G3BP1: variants seen among roughly 807,000 people sequenced by gnomAD.
The protein encoded by G3BP1 is ras GTPase-activating protein-binding protein 1.
Under a neutral mutation model 58.6 loss-of-function variants are expected in G3BP1, and 35 were observed. That is an observed-to-expected ratio of 0.60 (90% CI 0.46 to 0.79). The LOEUF (loss-of-function observed/expected upper bound fraction) is 0.79. Among genes scored for constraint, G3BP1 ranks in the 30% least tolerant of loss-of-function variants. The pLI, the probability that G3BP1 is intolerant of heterozygous loss-of-function variation, is 0.00. For synonymous variants in G3BP1, 191 were observed against 195.4 expected (o/e 0.98, Z 0.19); for missense variants, 523 against 580.8 (o/e 0.90, Z 1.02).
In G3BP1 at chr5:151,794,143, T is replaced by C. The variant is rs371388322; in HGVS notation, c.352-16T>C. 9 of 1,494,316 alleles carry C rather than the reference T, an allele frequency of 6.0e-6. No homozygotes were observed. The South Asian group carries it at 9.0e-5, about 15-fold the overall frequency. The allele number at this position is 1,494,316 out of a possible 1,614,324, so 92.6% of individuals were successfully genotyped here. ...AAGTCTGTTGAATAAATTAAAACTT[T>C]CTGTTGGCATTGCAGGGGTCTGTTG... On this transcript the variant is annotated splice_polypyrimidine_tract_variant and intron_variant, in intron 4 of 11. Transcript: ENST00000356245.
Position 151,774,343 on chromosome 5 carries a change from G to GT in G3BP1, c.-50+2318dup, listed in dbSNP as rs201707129. Among the ~76,000 whole-genome samples, 381 of 146,914 alleles carry GT rather than the reference G, an allele frequency of 2.6e-3. 5 individuals are homozygous for GT. Among genetic ancestry groups the GT allele is most frequent in the East Asian group, 0.016 (81 of 5,092 alleles). On this transcript the variant is annotated intron_variant, in intron 1 of 11. Coordinates refer to ENST00000356245, the MANE Select transcript of G3BP1 (RefSeq NM_005754.3). ...AGCAGTTTTTCTTTTGTAACTTATGGTTTTTTTTTTTCCCACTCGTTCTAG... is the reference window on the plus strand; with the variant it reads ...AGCAGTTTTTCTTTTGTAACTTATGGTTTTTTTTTTTTCCCACTCGTTCTAG...
At chr5:151,797,531 C>T in intron 7 of G3BP1, 103 bp downstream of exon 7, 2 of 1,246,174 alleles carry the variant, frequency 1.6e-6, no homozygotes, top group Non-Finnish European at 2.2e-6. Flanking sequence ...GATACATTTT[C>T]ATATTGGTGG....
At chr5:151,784,130 C>G (rs1762518322) in intron 1 of G3BP1, among the ~76,000 whole-genome samples, 2 of 152,170 alleles carry the variant, frequency 1.3e-5, no homozygotes, top group Admixed American at 6.5e-5. Flanking sequence ...GGGTCTTGCT[C>G]TGGCACCCAG....
At position 151,799,908 on chromosome 5, in the gene G3BP1, C is replaced by T. The variant is rs777454919; in HGVS notation, c.863C>T (p.Pro288Leu). The T allele has an allele frequency of 9.9e-6, 16 of 1,610,736 alleles. No individual in the cohort carries two copies. The highest frequency in any genetic ancestry group is 1.4e-5 in the Non-Finnish European group (16 of 1,177,112). ...TTTCAGCCCCGTCCAGAGTCTAAGC[C>T]TGAATCTCAGATTCCACCACAAAGA... is the stretch of plus-strand genomic sequence containing the variant. ...PASQPRPESK[P>L]ESQIPPQRPQ... Residue 288 changes from proline (P) to leucine (L), a missense_variant, in exon 9 of 12, where the codon CCT (proline) becomes CTT (leucine). This residue lies in a region of G3BP1 where 398 missense variants were observed against 399.1 expected (regional missense o/e 1.00). Transcript: ENST00000356245.
intron 11 of G3BP1, among the ~76,000 whole-genome samples, chr5:151,801,649 C>A (rs976445843): frequency 1.3e-5 from 2 of 152,098 alleles, no homozygotes; most frequent in East Asian, 1.9e-4. Context: ...GCTCTTTACT[C>A]ACTAAGCAGT....
chr5:151,801,975 C>A (rs957387589), intron 11 of G3BP1, among the ~76,000 whole-genome samples: 1 of 151,972 alleles, frequency 6.6e-6, no homozygotes, highest in Non-Finnish European at 1.5e-5. Context: ...CCACCATGCC[C>A]AGCTGATTTT....
Position 151,809,632 on chromosome 5 carries a change from CT to C in G3BP1, c.*5543del, listed in dbSNP as rs899329848. On this transcript the variant is annotated 3_prime_UTR_variant, in exon 12 of 12. Transcript: ENST00000356245. ...AGTGCTGGAAAGGACTAGGAAGTGACTTGTACAACCCCTTCATTTTACAAAG... is the reference window on the plus strand; with the variant it reads ...AGTGCTGGAAAGGACTAGGAAGTGACTGTACAACCCCTTCATTTTACAAAG... 6.6e-6 allele frequency: 1 copy of C among 152,148 alleles called. No homozygotes were observed. Among genetic ancestry groups the C allele is most frequent in the African/African-American group, 2.4e-5 (1 of 41,420 alleles). The allele number at this position is 152,148 out of a possible 1,614,324, so 9.4% of individuals were successfully genotyped here. A position where few individuals can be genotyped will look rare whatever the true frequency, so the allele number is the denominator to read the frequency against.
intron 1 of G3BP1, among the ~76,000 whole-genome samples, chr5:151,783,572 G>A (rs1762508641): frequency 1.3e-5 from 2 of 151,622 alleles, no homozygotes; most frequent in African/African-American, 4.8e-5. Context: ...TGTATTTTTA[G>A]GAGAGACAGG....
chr5:151,794,101 G>A (rs1762707084), intron 4 of G3BP1, 58 bp from the exon 5 acceptor site: 8 of 978,196 alleles, frequency 8.2e-6, no homozygotes, highest in African/African-American at 1.6e-5. Flanking sequence ...ATGGTGTAGA[G>A]TGATTTGACT....
chr5:151,790,160 C>T (rs567277511), intron 2 of G3BP1, among the ~76,000 whole-genome samples, 163 bp from the exon 3 acceptor site: 7 of 143,186 alleles, frequency 4.9e-5, no homozygotes, highest in African/African-American at 1.6e-4. Flanking sequence ...AGCCCCGGCA[C>T]ATCGAAGCTG....
In G3BP1 at chr5:151,794,663, A is replaced by C. The variant is rs183375008; in HGVS notation, c.442+414A>C. 3.1e-3 allele frequency among the ~76,000 whole-genome samples: 470 copies of C among 152,280 alleles called. 4 individuals carry two copies. Among genetic ancestry groups the C allele is most frequent in the Non-Finnish European group, 4.3e-3 (293 of 68,010 alleles). ...ACTACTCTTTGTGCTGGAGGGAGAT[A>C]CTCTTTCAAAGCTGTTTGCTATATA... On this transcript the variant is annotated intron_variant, in intron 5 of 11. Coordinates refer to ENST00000356245, the MANE Select transcript of G3BP1 (RefSeq NM_005754.3).
intron 4 of G3BP1, among the ~76,000 whole-genome samples, chr5:151,793,888 C>T (rs1330760079): frequency 6.6e-6 from 1 of 151,584 alleles, no homozygotes; most frequent in Non-Finnish European, 1.5e-5. Flanking sequence ...GTGGCGCGCC[C>T]CTGTAGTTCT....
Position 151,811,466 on chromosome 5 carries a change from A to G in G3BP1, c.*7375A>G, listed in dbSNP as rs1223296956. On this transcript the variant is annotated 3_prime_UTR_variant, in exon 12 of 12. Coordinates refer to ENST00000356245, the MANE Select transcript of G3BP1 (RefSeq NM_005754.3). ...AAGTTCTTGCATATAAAGTTGGTTA[A>G]ATAGTAATAATTATGAGTTAACCAC... 1 of 152,210 alleles carries G rather than the reference A, an allele frequency of 6.6e-6. No homozygotes were observed. Among genetic ancestry groups the G allele is most frequent in the Non-Finnish European group, 1.5e-5 (1 of 68,026 alleles). 9.4% of individuals were successfully genotyped at this position (152,210 alleles called of 1,614,324 possible). A position where few individuals can be genotyped will look rare whatever the true frequency, so the allele number is the denominator to read the frequency against.
chr5:151,776,713 A>G (rs1052921986), intron 1 of G3BP1, among the ~76,000 whole-genome samples: 4 of 151,858 alleles, frequency 2.6e-5, no homozygotes, highest in Non-Finnish European at 5.9e-5. Context: ...ATCCACAATT[A>G]TCCTTGCTGA....
chr5:151,801,364 G>T (rs1041933824), intron 11 of G3BP1, among the ~76,000 whole-genome samples: 23 of 152,260 alleles, frequency 1.5e-4, no homozygotes, highest in Middle Eastern at 3.4e-3. Context: ...CTCTTACTCT[G>T]TACGTTCTAA....
intron 6 of G3BP1, among the ~76,000 whole-genome samples, chr5:151,796,837 T>A (rs113030673): frequency 0.019 from 2,816 of 152,184 alleles, 76 homozygotes; most frequent in African/African-American, 0.057. Flanking sequence ...AAGATAACTT[T>A]ATATACCTTA....
chr5:151,795,432 T>C, intron 5 of G3BP1, 47 bp from the exon 6 acceptor site: 1 of 948,620 alleles, frequency 1.1e-6, no homozygotes, highest in Non-Finnish European at 1.7e-6. Context: ...AATGTATATG[T>C]GAATTCAGTA....
At position 151,800,351 on chromosome 5, in the gene G3BP1, G is replaced by A. The variant is rs776448858; in HGVS notation, c.1084+5G>A. On this transcript the variant is annotated splice_donor_5th_base_variant and intron_variant, in intron 10 of 11. Transcript: ENST00000356245. ...AGCTTAAAGATTTCTTTCAAAGTAG[G>A]TTATTGAGTTTTGAACACTAAATTC... 1 of 1,611,778 alleles carries A rather than the reference G, an allele frequency of 6.2e-7. No homozygotes were observed. Among genetic ancestry groups the A allele is most frequent in the Non-Finnish European group, 8.5e-7 (1 of 1,178,164 alleles).
At position 151,797,251 on chromosome 5, in the gene G3BP1, GGAGCCTGTTGCTGAACCA is replaced by G. The variant is rs767775685; in HGVS notation, c.572_589del (p.Val191_Pro196del). The G allele has an allele frequency of 3.7e-6, 6 of 1,613,114 alleles. No homozygotes were observed. The East Asian group carries it at 1.3e-4, about 36-fold the overall frequency. Reference sequence around the variant, plus strand: ...GTAATGACATGGAAGAACATTTAGAGGAGCCTGTTGCTGAACCAGAGCCTGATCCTGAACCAGAACCAG... The same window carrying G: ...GTAATGACATGGAAGAACATTTAGAGGAGCCTGATCCTGAACCAGAACCAG... On this transcript the variant is annotated inframe_deletion, in exon 7 of 12. Coordinates refer to ENST00000356245, the MANE Select transcript of G3BP1 (RefSeq NM_005754.3).
Sources: gnomAD v4.1 joint callset for allele counts (sites outside exome capture counted in the v4.1 genomes callset) on GRCh38, gnomAD v4.1.1 for gene constraint, gnomAD v4.1.1 regional missense constraint, MANE v1.5 for transcripts, NCBI Gene and HGNC (gene_info 2026-07-23, HGNC 2026-07-21) for gene names.